The following R3HDM2 variants were observed in gnomAD, a reference collection of about 807,000 sequenced individuals.
R3HDM2 encodes R3H domain-containing protein 2.
A neutral mutation model predicts 124.5 loss-of-function variants in R3HDM2; 38 were observed. The observed-to-expected ratio is 0.31, with a 90% CI of 0.24 to 0.40. The LOEUF (loss-of-function observed/expected upper bound fraction) is 0.40. Ranked by LOEUF, R3HDM2 falls within the 10% of genes least tolerant of loss-of-function variation. R3HDM2 has a pLI of 1.00. For synonymous variants in R3HDM2, 391 were observed against 448.0 expected (o/e 0.87, Z 1.61); for missense variants, 869 against 1,236.9 (o/e 0.70, Z 4.46).
intron 6 of R3HDM2, 48 bp downstream of exon 6, chr12:57,299,304 T>C: frequency 6.7e-7 from 1 of 1,502,706 alleles, no homozygotes; most frequent in South Asian, 1.2e-5. Flanking sequence ...AGGATAAAAG[T>C]AAAGGGCACT....
At chr12:57,344,473 T>C (rs1304305308) in intron 2 of R3HDM2, among the ~76,000 whole-genome samples, 2 of 152,118 alleles carry the variant, frequency 1.3e-5, no homozygotes, top group Non-Finnish European at 1.5e-5. Context: ...TCAAGATAAT[T>C]TGAATTTGTA....
At chr12:57,299,228 C>T in intron 6 of R3HDM2, 124 bp downstream of exon 6, 2 of 1,165,172 alleles carry the variant, frequency 1.7e-6, no homozygotes, top group Non-Finnish European at 2.4e-6. Context: ...GGCATCTCCT[C>T]AAGCAACCAA....
At chr12:57,357,287 C>A (rs1261101049) in intron 2 of R3HDM2, among the ~76,000 whole-genome samples, 1 of 151,782 alleles carries the variant, frequency 6.6e-6, no homozygotes, top group African/African-American at 2.4e-5. Flanking sequence ...CATAGCAAAA[C>A]CCCATCTTTA....
intron 12 of R3HDM2, 159 bp downstream of exon 12, chr12:57,288,848 CAG>C: frequency 6.5e-7 from 1 of 1,543,856 alleles, no homozygotes; most frequent in Non-Finnish European, 8.8e-7. Context: ...ATAGATCACA[CAG>C]AGGTACCTAA....
chr12:57,340,897 C>CT (rs2059483600), intron 2 of R3HDM2, among the ~76,000 whole-genome samples: 22 of 148,168 alleles, frequency 1.5e-4, no homozygotes, highest in Admixed American at 9.3e-4. Context: ...GATACTCAAT[C>CT]CAAAAAAAAA....
chr12:57,329,942 T>C (rs2057895922), intron 2 of R3HDM2, among the ~76,000 whole-genome samples: 1 of 152,172 alleles, frequency 6.6e-6, no homozygotes, highest in Non-Finnish European at 1.5e-5. Flanking sequence ...TAAATGGAAT[T>C]GTTTTCATAA....
chr12:57,306,179 T>G (rs973896616), intron 3 of R3HDM2, among the ~76,000 whole-genome samples: 1 of 152,290 alleles, frequency 6.6e-6, no homozygotes, highest in Middle Eastern at 3.4e-3. Context: ...ATAATGCTGA[T>G]GCATTGGATG....
intron 19 of R3HDM2, among the ~76,000 whole-genome samples, chr12:57,259,502 A>C (rs977705522): frequency 1.3e-5 from 2 of 152,200 alleles, no homozygotes; most frequent in African/African-American, 4.8e-5. Flanking sequence ...TGTTCTGGAG[A>C]AGATAAATCC....
At chr12:57,360,049 T>TATACATATATATATATA (rs2061739660) in intron 2 of R3HDM2, among the ~76,000 whole-genome samples, 2 of 52,712 alleles carry the variant, frequency 3.8e-5, no homozygotes, top group Non-Finnish European at 7.6e-5. Flanking sequence ...ATATATATAT[T>TATACATATATATATATA]TTTTTTTTTT....
intron 2 of R3HDM2, among the ~76,000 whole-genome samples, chr12:57,330,617 T>C (rs1340525146): frequency 6.6e-6 from 1 of 151,886 alleles, no homozygotes; most frequent in African/African-American, 2.4e-5. Flanking sequence ...AGTGCTGGGA[T>C]TACAAGTGTG....
chr12:57,285,391 C>G lies in R3HDM2; in HGVS notation c.939-1335G>C, dbSNP rs541115548. ...ATGAGCTAAGAATACACTGGCACAA[C>G]TGGTTAGGAACATGCTAATTCTTCT... is the stretch of plus-strand genomic sequence containing the variant. On this transcript the variant is annotated intron_variant, in intron 12 of 23. Transcript: ENST00000402412. Among the ~76,000 whole-genome samples the G allele has an allele frequency of 2.1e-4, 32 of 152,032 alleles. No individual in the cohort carries two copies. In the South Asian group the frequency reaches 4.2e-3, roughly 20 times the overall value.
intron 1 of R3HDM2, among the ~76,000 whole-genome samples, chr12:57,405,592 C>A (rs1286716866): frequency 6.6e-6 from 1 of 152,054 alleles, no homozygotes. Flanking sequence ...TATGATCACA[C>A]CACTGCACTA....
At chr12:57,378,024 A>C (rs1287053716) in intron 2 of R3HDM2, among the ~76,000 whole-genome samples, 1 of 152,166 alleles carries the variant, frequency 6.6e-6, no homozygotes, top group African/African-American at 2.4e-5. Flanking sequence ...TCTTGAACCC[A>C]GGAGGCGGAG....
chr12:57,269,671 G>A, intron 15 of R3HDM2, 81 bp downstream of exon 15: 5 of 1,580,818 alleles, frequency 3.2e-6, no homozygotes, highest in Non-Finnish European at 4.3e-6. Context: ...CCTCTGGTCT[G>A]TCTAAACTGG....
rs1288943384 is a variant in R3HDM2 at position 57,295,467 on chromosome 12, T to C, written c.742A>G (p.Asn248Asp). ...ATGAACCTCTGTTGAAATTCTGTAT[T>C]CTTCTCATCCTTTATATGTTCTGAG... ...RFSEHIKDEK[N>D]TEFQQRFILK... The change falls in exon 10 of 24, where the codon AAT becomes GAT. Residue 248 changes from asparagine (N) to aspartate (D), a missense_variant. Asn to Asp is a conservative substitution (Grantham distance 23, BLOSUM62 1). Coordinates refer to ENST00000402412, the MANE Select transcript of R3HDM2 (RefSeq NM_001394031.1). 3.2e-6 allele frequency: 5 copies of C among 1,551,868 alleles called. No homozygotes were observed. Among genetic ancestry groups the C allele is most frequent in the Non-Finnish European group, 4.4e-6 (5 of 1,147,002 alleles).
intron 2 of R3HDM2, among the ~76,000 whole-genome samples, chr12:57,372,781 T>C (rs1269866646): frequency 2.0e-5 from 3 of 152,250 alleles, no homozygotes; most frequent in East Asian, 3.8e-4. Flanking sequence ...AATATTTTGC[T>C]ATTCCTTTTT....
chr12:57,304,329 G>T, intron 3 of R3HDM2: 1 of 169,606 alleles, frequency 5.9e-6, no homozygotes, highest in Non-Finnish European at 1.2e-5. Context: ...CAAAATGGGG[G>T]CTTCTGGGAA....
At chr12:57,260,536 C>A (rs1435176843) in intron 19 of R3HDM2, among the ~76,000 whole-genome samples, 2 of 151,968 alleles carry the variant, frequency 1.3e-5, no homozygotes, top group Non-Finnish European at 2.9e-5. Context: ...CAGGGTCAAG[C>A]AGTTTGATGG....
intron 2 of R3HDM2, among the ~76,000 whole-genome samples, chr12:57,369,363 C>A (rs1051835012): frequency 3.9e-5 from 6 of 152,200 alleles, no homozygotes; most frequent in Admixed American, 3.3e-4. Flanking sequence ...TCATTGTAAA[C>A]TGATGCGAAC....
Sources: gnomAD v4.1 joint callset for allele counts (sites outside exome capture counted in the v4.1 genomes callset) on GRCh38, gnomAD v4.1.1 for gene constraint, MANE v1.5 for transcripts, NCBI Gene and HGNC (gene_info 2026-07-23, HGNC 2026-07-21) for gene names.